ATP8B4: variants seen among roughly 807,000 people sequenced by gnomAD.
The protein encoded by ATP8B4 is ATPase phospholipid transporting 8B4 (putative).
Under a neutral mutation model 145.6 loss-of-function variants are expected in ATP8B4, and 133 were observed. The ratio of observed to expected loss-of-function variants is 0.91; its 90% CI spans 0.79 to 1.05. ATP8B4 has a LOEUF of 1.05. Ranked by LOEUF, ATP8B4 falls within the 50% of genes least tolerant of loss-of-function variation. The pLI is 0.00. For synonymous variants in ATP8B4, 507 were observed against 492.9 expected (o/e 1.03, Z -0.38); for missense variants, 1,458 against 1,425.2 (o/e 1.02, Z -0.37).
chr15:50,178,703 G>A (rs563466405), intron 1 of ATP8B4, among the ~76,000 whole-genome samples: 25 of 152,100 alleles, frequency 1.6e-4, no homozygotes, highest in Admixed American at 5.9e-4. Flanking sequence ...CATTGTCTTC[G>A]TCTTTTCTTG....
At chr15:50,004,409 G>A (rs1320615261) in intron 7 of ATP8B4, among the ~76,000 whole-genome samples, 1 of 152,206 alleles carries the variant, frequency 6.6e-6, no homozygotes, top group Non-Finnish European at 1.5e-5. Context: ...TGTGCCAGGA[G>A]TGGAGCAACC....
chr15:50,099,441 G>A lies in ATP8B4; in HGVS notation c.28+7498C>T, dbSNP rs1021680671. Among the ~76,000 whole-genome samples the A allele has an allele frequency of 2.6e-5, 4 of 151,884 alleles. No individual in the cohort carries two copies. The East Asian group carries it at 5.8e-4, about 22-fold the overall frequency. ...ACTACAGGCACGTGCCACCATGCCCGGCTACTTTTTAAATTTTTGGTAGAG... is the reference window on the plus strand; with the variant it reads ...ACTACAGGCACGTGCCACCATGCCCAGCTACTTTTTAAATTTTTGGTAGAG... On this transcript the variant is annotated intron_variant, in intron 2 of 27. Coordinates refer to ENST00000284509, the MANE Select transcript of ATP8B4 (RefSeq NM_024837.4).
upstream of ATP8B4, among the ~76,000 whole-genome samples, chr15:50,122,249 T>C (rs2057277361): frequency 1.3e-5 from 2 of 152,154 alleles, no homozygotes; most frequent in Non-Finnish European, 2.9e-5. Flanking sequence ...TAACATATTT[T>C]CATTCAACAA....
intron 7 of ATP8B4, among the ~76,000 whole-genome samples, chr15:50,008,907 T>A (rs1302686647): frequency 6.6e-6 from 1 of 152,172 alleles, no homozygotes; most frequent in Non-Finnish European, 1.5e-5. Flanking sequence ...AACCTAGCAT[T>A]GCCCCTGAAA....
intron 1 of ATP8B4, among the ~76,000 whole-genome samples, chr15:50,112,640 T>C (rs921552365): frequency 2.0e-5 from 3 of 152,078 alleles, no homozygotes; most frequent in Non-Finnish European, 2.9e-5. Flanking sequence ...AGCATTACTT[T>C]GAGCAAGTCA....
At chr15:50,018,500 A>C (rs1488126966) in intron 6 of ATP8B4, among the ~76,000 whole-genome samples, 4 of 152,228 alleles carry the variant, frequency 2.6e-5, no homozygotes, top group African/African-American at 7.2e-5. Flanking sequence ...AATAACCACA[A>C]CTAAACTATC....
chr15:50,025,711 T>G (rs1028565539), intron 6 of ATP8B4, among the ~76,000 whole-genome samples: 2 of 152,258 alleles, frequency 1.3e-5, no homozygotes, highest in Non-Finnish European at 2.9e-5. Flanking sequence ...TATACACTAC[T>G]TAGCATGGCT....
chr15:50,090,635 T>C (rs1175555339), intron 2 of ATP8B4, among the ~76,000 whole-genome samples: 3 of 152,218 alleles, frequency 2.0e-5, no homozygotes, highest in African/African-American at 7.2e-5. Context: ...GAGGAATACA[T>C]TTCTGTTTCG....
At chr15:49,886,836 G>A (rs2036247879) in intron 23 of ATP8B4, among the ~76,000 whole-genome samples, 1 of 150,288 alleles carries the variant, frequency 6.7e-6, no homozygotes, top group Non-Finnish European at 1.5e-5. Context: ...TTGAGACAGA[G>A]TTTCACTCTT....
At chr15:50,021,160 A>ATAGG (rs138810455) in intron 6 of ATP8B4, among the ~76,000 whole-genome samples, 2 of 150,560 alleles carry the variant, frequency 1.3e-5, no homozygotes. Flanking sequence ...AGATAGATAG[A>ATAGG]TAGATAGATA....
At chr15:49,979,526 T>C (rs1166829063) in intron 12 of ATP8B4, 91 bp downstream of exon 12, 1 of 1,067,944 alleles carries the variant, frequency 9.4e-7, no homozygotes, top group East Asian at 2.5e-5. Flanking sequence ...GAGCAAGACA[T>C]CTATTGCACT....
intron 10 of ATP8B4, among the ~76,000 whole-genome samples, chr15:49,983,595 C>T (rs1380002496): frequency 6.6e-6 from 1 of 152,186 alleles, no homozygotes; most frequent in Non-Finnish European, 1.5e-5. Flanking sequence ...TTCCTCCTTC[C>T]CAACCCCAGG....
chr15:49,955,064 C>T (rs1372943903), intron 14 of ATP8B4, among the ~76,000 whole-genome samples: 3 of 152,058 alleles, frequency 2.0e-5, no homozygotes, highest in South Asian at 2.1e-4. Context: ...CTTAAGCAAA[C>T]GTAGAAACAG....
intron 2 of ATP8B4, among the ~76,000 whole-genome samples, chr15:50,093,892 G>C (rs1003421193): frequency 6.6e-6 from 1 of 152,114 alleles, no homozygotes; most frequent in African/African-American, 2.4e-5. Flanking sequence ...GCTAGAGATA[G>C]AGTCATCCCA....
intron 15 of ATP8B4, among the ~76,000 whole-genome samples, chr15:49,931,678 C>A (rs755146861): frequency 2.7e-4 from 41 of 152,064 alleles, no homozygotes; most frequent in Non-Finnish European, 5.0e-4. Flanking sequence ...CCCAAATAAT[C>A]CTCAGGGCAG....
chr15:50,017,830 C>T (rs2049208002), intron 6 of ATP8B4, among the ~76,000 whole-genome samples: 1 of 152,190 alleles, frequency 6.6e-6, no homozygotes, highest in Non-Finnish European at 1.5e-5. Context: ...TTAAAGGTAT[C>T]ACTGGAATAT....
intron 23 of ATP8B4, among the ~76,000 whole-genome samples, chr15:49,889,795 T>C (rs923989341): frequency 5.9e-5 from 9 of 152,210 alleles, no homozygotes; most frequent in Non-Finnish European, 1.3e-4. Context: ...ATTAAATAAT[T>C]AAGCTGGTGT....
intron 5 of ATP8B4, 54 bp from the exon 6 acceptor site, chr15:50,038,883 CA>C: frequency 7.0e-7 from 1 of 1,438,796 alleles, no homozygotes; most frequent in Non-Finnish European, 9.8e-7. Flanking sequence ...TTTGTCAGCC[CA>C]AATAAGCACA....
rs552623029 is a variant in ATP8B4, at chr15:50,004,250, G to A, written c.436-2027C>T. On this transcript the variant is annotated intron_variant, in intron 7 of 27. Transcript: ENST00000284509. Reference sequence around the variant, plus strand: ...AGGGAGTGCGAAGGGAAGGCCCAGCGGGGCCGGGAGGATAAGCGGTCAATG... The same window carrying A: ...AGGGAGTGCGAAGGGAAGGCCCAGCAGGGCCGGGAGGATAAGCGGTCAATG... Among the ~76,000 whole-genome samples the A allele has an allele frequency of 2.0e-4, 31 of 152,314 alleles. No homozygotes were observed. The South Asian group carries it at 2.5e-3, about 12-fold the overall frequency.
Sources: allele counts gnomAD v4.1 joint callset (sites outside exome capture counted in the v4.1 genomes callset), GRCh38; gene constraint gnomAD v4.1.1; transcripts MANE v1.5; gene names NCBI Gene and HGNC (gene_info 2026-07-23, HGNC 2026-07-21).